KIAA1958: variants seen among roughly 807,000 people sequenced by gnomAD.
The protein encoded by KIAA1958 is uncharacterized protein KIAA1958.
Under a neutral mutation model 47.2 loss-of-function variants are expected in KIAA1958, and 14 were observed. That is an observed-to-expected ratio of 0.30 (90% confidence interval 0.20 to 0.46). The LOEUF (loss-of-function observed/expected upper bound fraction) is 0.46, where lower values mean the gene tolerates loss of function less well. Among genes scored for constraint, KIAA1958 ranks in the 20% least tolerant of loss-of-function variants. The pLI is 1.00. For missense variants in KIAA1958, 803 were observed against 909.2 expected (o/e 0.88, Z 1.50); for synonymous variants, 354 against 353.3 (o/e 1.00, Z -0.02).
In KIAA1958 at chr9:112,572,610, A is replaced by G. The variant is rs533136313; in HGVS notation, c.-24-1447A>G. ...TGAGGCAGAAAGGGGGTCTGGAAAG[A>G]TGCCAATAGGAAGTAGCCGCAGGTT... On this transcript the variant is annotated intron_variant, in intron 1 of 3. Transcript: ENST00000337530. 4.6e-5 allele frequency among the ~76,000 whole-genome samples: 7 copies of G among 152,352 alleles called. No individual in the cohort carries two copies. In the South Asian group the frequency reaches 1.5e-3, roughly 32 times the overall value.
intron 2 of KIAA1958, among the ~76,000 whole-genome samples, chr9:112,587,609 T>TA (rs1384214957): frequency 6.6e-6 from 1 of 152,224 alleles, no homozygotes; most frequent in East Asian, 1.9e-4. Context: ...ACCATTATGA[T>TA]ACACCTATCA....
chr9:112,656,827 G>C (rs1285685379), intron 3 of KIAA1958, among the ~76,000 whole-genome samples: 1 of 152,010 alleles, frequency 6.6e-6, no homozygotes, highest in Non-Finnish European at 1.5e-5. Context: ...CTAGACAATT[G>C]TTCAGGTTAT....
rs528909581 is a variant in KIAA1958 at position 112,655,876 on chromosome 9, G to T, written c.1345-3387G>T. Reference sequence around the variant, plus strand: ...ATTTTGAAACTGGATCTCCAGGCCTGGTTTCTCTCCACATTAGCCCTGGAA... The same window carrying T: ...ATTTTGAAACTGGATCTCCAGGCCTTGTTTCTCTCCACATTAGCCCTGGAA... On this transcript the variant is annotated intron_variant, in intron 3 of 3. Coordinates refer to ENST00000337530, the MANE Select transcript of KIAA1958 (RefSeq NM_133465.4). Among the ~76,000 whole-genome samples, 132 of 152,204 alleles carry T rather than the reference G, an allele frequency of 8.7e-4. 1 individual carries two copies. The highest frequency in any genetic ancestry group is 6.8e-3 in the Middle Eastern group (2 of 294).
chr9:112,551,496 A>G (rs1835149983), intron 1 of KIAA1958, among the ~76,000 whole-genome samples: 1 of 152,274 alleles, frequency 6.6e-6, no homozygotes, highest in Non-Finnish European at 1.5e-5. Context: ...ATTTGAAAAC[A>G]TAAACTGAAG....
rs984953031 is a variant in KIAA1958 at position 112,664,700 on chromosome 9, A to C, written c.*4631A>C. ...GTTCCTCAGTAAAAATCTTTGTTGCATTTTCCCATATAAATGAATCACCCT... is the reference window on the plus strand; with the variant it reads ...GTTCCTCAGTAAAAATCTTTGTTGCCTTTTCCCATATAAATGAATCACCCT... On this transcript the variant is annotated 3_prime_UTR_variant, in exon 4 of 4. Transcript: ENST00000337530. 1 of 152,174 alleles carries C rather than the reference A, an allele frequency of 6.6e-6. No homozygotes were observed. Among genetic ancestry groups the C allele is most frequent in the African/African-American group, 2.4e-5 (1 of 41,420 alleles). 9.4% of individuals were successfully genotyped at this position (152,174 alleles called of 1,614,324 possible).
intron 1 of KIAA1958, among the ~76,000 whole-genome samples, chr9:112,549,684 G>T (rs1481510508): frequency 6.6e-6 from 1 of 152,178 alleles, no homozygotes; most frequent in East Asian, 1.9e-4. Context: ...CCAAGCCTTC[G>T]GTGGGGCGAG....
intron 2 of KIAA1958, among the ~76,000 whole-genome samples, chr9:112,628,349 G>A (rs1359040225): frequency 1.3e-5 from 2 of 152,148 alleles, no homozygotes; most frequent in South Asian, 2.1e-4. Context: ...AAACTAATTC[G>A]TCAAGGTCCC....
chr9:112,568,454 T>A (rs2131166929), intron 1 of KIAA1958, among the ~76,000 whole-genome samples: 1 of 152,328 alleles, frequency 6.6e-6, no homozygotes, highest in South Asian at 2.1e-4. Flanking sequence ...GTCAACATTG[T>A]GGTAATGTAC....
intron 1 of KIAA1958, among the ~76,000 whole-genome samples, chr9:112,494,576 C>G (rs1834021222): frequency 6.6e-6 from 1 of 151,502 alleles, no homozygotes; most frequent in African/African-American, 2.4e-5. Context: ...CTCAGGTGAT[C>G]CTCCCAGTTT....
Position 112,615,845 on chromosome 9 carries a change from G to A in KIAA1958, c.1172-29805G>A, listed in dbSNP as rs117691613. Among the ~76,000 whole-genome samples, 50 of 152,332 alleles carry A rather than the reference G, an allele frequency of 3.3e-4. 1 individual carries two copies. In the East Asian group the frequency reaches 6.0e-3, roughly 18 times the overall value. ...GTCAATACACCCCAGAGTATGTACC[G>A]TAGTAGGTTTGGGATGGCAACATGT... On this transcript the variant is annotated intron_variant, in intron 2 of 3. Transcript: ENST00000337530.
rs866156395 is a variant in KIAA1958 at position 112,515,729 on chromosome 9, T to C, written c.-25+28611T>C. On this transcript the variant is annotated intron_variant, in intron 1 of 3. Transcript: ENST00000337530. ...ATCACCAATCCCTAATCTCAAGTAA[T>C]CAGGGACACAAACACTGCGGAAGGC... 2.2e-3 allele frequency among the ~76,000 whole-genome samples: 199 copies of C among 88,596 alleles called. 3 individuals carry two copies. Among genetic ancestry groups the C allele is most frequent in the Middle Eastern group, 0.016 (4 of 248 alleles). The allele number at this position is 88,596 out of a possible 152,430, so 58.1% of individuals were successfully genotyped here. A position where few individuals can be genotyped will look rare whatever the true frequency, so the allele number is the denominator to read the frequency against.
chr9:112,563,938 G>A (rs769611967), intron 1 of KIAA1958, among the ~76,000 whole-genome samples: 5 of 152,032 alleles, frequency 3.3e-5, no homozygotes, highest in Non-Finnish European at 5.9e-5. Context: ...TCATAAAGGG[G>A]TACTGAATTT....
intron 1 of KIAA1958, among the ~76,000 whole-genome samples, chr9:112,564,821 A>G (rs886256120): frequency 6.6e-6 from 1 of 152,226 alleles, no homozygotes; most frequent in Non-Finnish European, 1.5e-5. Context: ...TACTATTGTA[A>G]TACCAGTGGC....
intron 3 of KIAA1958, among the ~76,000 whole-genome samples, chr9:112,647,403 G>C (rs1335376765): frequency 6.6e-6 from 1 of 151,922 alleles, no homozygotes; most frequent in African/African-American, 2.4e-5. Flanking sequence ...CCAAAATGTA[G>C]GTGCTCAGGT....
intron 2 of KIAA1958, among the ~76,000 whole-genome samples, chr9:112,584,223 T>TTCTGTGGCTTAGTTTTCTCA (rs1835784779): frequency 1.3e-5 from 2 of 152,192 alleles, no homozygotes; most frequent in African/African-American, 2.4e-5. Context: ...TACTTAACCT[T>TTCTGTGGCTTAGTTTTCTCA]TCTGTGGCTT....
At chr9:112,556,129 G>A (rs535516503) in intron 1 of KIAA1958, among the ~76,000 whole-genome samples, 19 of 152,304 alleles carry the variant, frequency 1.2e-4, no homozygotes, top group African/African-American at 3.6e-4. Flanking sequence ...TAGTTTCAAC[G>A]TGAATTTTGG....
At position 112,665,723 on chromosome 9, in the gene KIAA1958, C is replaced by T. The variant is rs1207906847; in HGVS notation, c.*5654C>T. ...CTGGCGGTTCCCCAGTATTTTCTGC[C>T]TACTGGGAACCTTCTGTCTTTATCC... On this transcript the variant is annotated 3_prime_UTR_variant, in exon 4 of 4. Transcript: ENST00000337530. 1 of 152,152 alleles carries T rather than the reference C, an allele frequency of 6.6e-6. No homozygotes were observed. Among genetic ancestry groups the T allele is most frequent in the Non-Finnish European group, 1.5e-5 (1 of 68,010 alleles). 9.4% of individuals were successfully genotyped at this position (152,152 alleles called of 1,614,324 possible). A position where few individuals can be genotyped will look rare whatever the true frequency, so the allele number is the denominator to read the frequency against.
chr9:112,593,718 G>A (rs1246428238), intron 2 of KIAA1958, among the ~76,000 whole-genome samples: 2 of 151,824 alleles, frequency 1.3e-5, no homozygotes, highest in Non-Finnish European at 2.9e-5. Context: ...GCCTATATTT[G>A]TAGAGTTAGT....
At chr9:112,585,069 C>A (rs767041666) in intron 2 of KIAA1958, among the ~76,000 whole-genome samples, 3 of 152,208 alleles carry the variant, frequency 2.0e-5, no homozygotes, top group Non-Finnish European at 2.9e-5. Flanking sequence ...GAAGGATTGA[C>A]TGAGGATCAG....
Sources: gnomAD v4.1 joint callset for allele counts (sites outside exome capture counted in the v4.1 genomes callset) on GRCh38, gnomAD v4.1.1 for gene constraint, MANE v1.5 for transcripts, NCBI Gene and HGNC (gene_info 2026-07-23, HGNC 2026-07-21) for gene names.